BCOR: variants seen among roughly 807,000 people sequenced by gnomAD.
The protein encoded by BCOR is BCL-6 corepressor.
A neutral mutation model predicts 86.7 loss-of-function variants in BCOR; 10 were observed. The ratio of observed to expected loss-of-function variants is 0.12; its 90% CI spans 0.07 to 0.20. BCOR has a LOEUF of 0.20. BCOR is among the 10% of genes least tolerant of loss of function. The probability of loss-of-function intolerance (pLI) is 1.00; values close to 1 mark genes in which losing one functional copy is unlikely to be tolerated. For missense variants in BCOR, 1,259 were observed against 1,452.1 expected (o/e 0.87, Z 2.16); for synonymous variants, 611 against 609.0 (o/e 1.00, Z -0.05).
At chrX:40,154,277 G>T (rs186754368) in intron 1 of BCOR, among the ~76,000 whole-genome samples, 2 of 94,459 alleles carry the variant, frequency 2.1e-5, no homozygotes, top group Admixed American at 2.2e-4. Flanking sequence ...CCAGGAACCG[G>T]GAAGAGAAAG....
intron 1 of BCOR, among the ~76,000 whole-genome samples, chrX:40,130,863 AG>A (rs1306090443): frequency 2.7e-5 from 3 of 111,283 alleles, no homozygotes; most frequent in African/African-American, 9.8e-5. Flanking sequence ...CCTGGAACCC[AG>A]CCACCCTCTT....
At chrX:40,114,403 C>A (rs778502905) in intron 1 of BCOR, among the ~76,000 whole-genome samples, 8 of 111,515 alleles carry the variant, frequency 7.2e-5, no homozygotes, top group East Asian at 5.6e-4. Flanking sequence ...GGTGGGGAGG[C>A]CTTGGGAGTC....
intron 6 of BCOR, among the ~76,000 whole-genome samples, chrX:40,064,910 G>C (rs762527276): frequency 8.9e-6 from 1 of 112,142 alleles, no homozygotes; most frequent in African/African-American, 3.2e-5. Flanking sequence ...TCAATGCTAC[G>C]TTTTTTAAAG....
rs1409344460 is a variant in BCOR, at chrX:40,074,482, C to A, written c.864G>T (p.Pro288=). The change falls in exon 4 of 15, where the codon CCG becomes CCT. Residue 288 remains proline, a synonymous_variant. Transcript: ENST00000378444. ...PLVHCADKSL[P]WKMGVSPGNP... The stretch of plus-strand genomic sequence containing the variant: ...TCCCAGGGCTGACGCCCATCTTCCA[C>A]GGGAGGCTTTTGTCTGCGCAATGGA... 8.3e-7 allele frequency: 1 copy of A among 1,205,306 alleles called. No individual in the cohort carries two copies. Among genetic ancestry groups the A allele is most frequent in the Non-Finnish European group, 1.1e-6 (1 of 892,023 alleles).
intron 8 of BCOR, 29 bp from the exon 9 acceptor site, chrX:40,063,100 G>C: frequency 9.8e-7 from 1 of 1,022,451 alleles, no homozygotes; most frequent in Non-Finnish European, 1.3e-6. Context: ...ACGGGGTGGC[G>C]GGCGGATGGG....
intron 6 of BCOR, 91 bp from the exon 7 acceptor site, chrX:40,064,690 AAGGTAATC>A (rs1442247709): frequency 9.9e-7 from 1 of 1,014,651 alleles, no homozygotes; most frequent in South Asian, 2.1e-5. Flanking sequence ...CACCATGCCC[AAGGTAATC>A]TGCTATTGAC....
chrX:40,154,877 G>A (rs986345927), intron 1 of BCOR, among the ~76,000 whole-genome samples: 5 of 112,512 alleles, frequency 4.4e-5, no homozygotes, highest in Non-Finnish European at 9.4e-5. Flanking sequence ...TTTGCAGATG[G>A]CAGATTAATC....
At chrX:40,057,398 A>G in intron 10 of BCOR, 77 bp from the exon 11 acceptor site, 1 of 1,033,391 alleles carries the variant, frequency 9.7e-7, no homozygotes, top group Non-Finnish European at 1.3e-6. Context: ...TGTAGCTTTC[A>G]AAGACATACA....
At chrX:40,125,217 T>C (rs1937524852) in intron 1 of BCOR, among the ~76,000 whole-genome samples, 2 of 111,214 alleles carry the variant, frequency 1.8e-5, no homozygotes, top group Non-Finnish European at 3.8e-5. Context: ...CTCCAGCAGC[T>C]GCCTGGAGAA....
At chrX:40,094,973 G>A (rs1442081277) in intron 1 of BCOR, among the ~76,000 whole-genome samples, 3 of 112,251 alleles carry the variant, frequency 2.7e-5, no homozygotes, top group African/African-American at 9.7e-5. Context: ...CGCCTCAAAG[G>A]ACAGCGCTGG....
At chrX:40,091,994 C>T (rs995126763) in intron 1 of BCOR, among the ~76,000 whole-genome samples, 4 of 112,830 alleles carry the variant, frequency 3.5e-5, no homozygotes, top group African/African-American at 1.3e-4. Flanking sequence ...CACCCATCGG[C>T]GGCCCCCGGG....
intron 1 of BCOR, among the ~76,000 whole-genome samples, chrX:40,086,208 C>G (rs1235799535): frequency 9.0e-6 from 1 of 110,700 alleles, no homozygotes; most frequent in Non-Finnish European, 1.9e-5. Flanking sequence ...GCACAGAACA[C>G]AGCACCCGCC....
rs143428522 is a variant in BCOR at position 40,162,442 on chromosome X, A to G, written c.-41+14565T>C. Among the ~76,000 whole-genome samples, 970 of 111,478 alleles carry G rather than the reference A, an allele frequency of 8.7e-3. 16 individuals are homozygous for G. Among genetic ancestry groups the G allele is most frequent in the African/African-American group, 0.03 (912 of 30,645 alleles). ...GATAGGAGTTGGCCCTGCAGACCCAAAATCACCTCAAGGGAGGCTAGGGTG... is the reference window on the plus strand; with the variant it reads ...GATAGGAGTTGGCCCTGCAGACCCAGAATCACCTCAAGGGAGGCTAGGGTG... On this transcript the variant is annotated intron_variant, in intron 1 of 14. Transcript: ENST00000342274.
At chrX:40,076,632 TAA>T (rs1275810869) in intron 2 of BCOR, 100 bp from the exon 3 acceptor site, 1 of 640,056 alleles carries the variant, frequency 1.6e-6, no homozygotes, top group African/African-American at 2.2e-5. Context: ...ACCCAATTTT[TAA>T]AACTGTCCTT....
intron 1 of BCOR, among the ~76,000 whole-genome samples, chrX:40,091,040 A>T (rs1159971040): frequency 4.5e-5 from 5 of 111,611 alleles, no homozygotes; most frequent in Non-Finnish European, 1.9e-5. Flanking sequence ...AAGGGCAAAG[A>T]TCGCTTCCCA....
chrX:40,143,947 A>C (rs745485273), intron 1 of BCOR, among the ~76,000 whole-genome samples: 70 of 111,884 alleles, frequency 6.3e-4, no homozygotes, highest in Non-Finnish European at 9.6e-4. Flanking sequence ...AAAGAGCAAG[A>C]CTCCGTCCTG....
chrX:40,165,515 T>C (rs1280652424), intron 1 of BCOR, among the ~76,000 whole-genome samples: 1 of 112,038 alleles, frequency 8.9e-6, no homozygotes, highest in Non-Finnish European at 1.9e-5. Context: ...ACCTGCCCCT[T>C]CCCCAGAGCC....
intron 1 of BCOR, among the ~76,000 whole-genome samples, chrX:40,159,783 G>T (rs1938374068): frequency 8.9e-6 from 1 of 112,453 alleles, no homozygotes; most frequent in Non-Finnish European, 1.9e-5. Flanking sequence ...TGGTCTTCAA[G>T]ATTTGGACAT....
chrX:40,158,592 G>A (rs1938350383), intron 1 of BCOR, among the ~76,000 whole-genome samples: 1 of 112,361 alleles, frequency 8.9e-6, no homozygotes, highest in Non-Finnish European at 1.9e-5. Context: ...TCTGGTTCCC[G>A]GACTCCCGCG....
Sources: gnomAD v4.1 joint callset for allele counts (sites outside exome capture counted in the v4.1 genomes callset) on GRCh38, gnomAD v4.1.1 for gene constraint, MANE v1.5 for transcripts, NCBI Gene and HGNC (gene_info 2026-07-23, HGNC 2026-07-21) for gene names.